The following PTPRS variants were observed in gnomAD, a reference collection of about 807,000 sequenced individuals.
The protein encoded by PTPRS is protein tyrosine phosphatase receptor type S.
In PTPRS, 63 loss-of-function variants were observed where a neutral mutation model predicts 215.3. The ratio of observed to expected loss-of-function variants is 0.29; its 90% confidence interval spans 0.24 to 0.36. The LOEUF is 0.36. Among genes scored for constraint, PTPRS ranks in the 10% least tolerant of loss-of-function variants. The pLI is 1.00. For missense variants in PTPRS, 2,258 were observed against 2,825.8 expected, an observed-to-expected ratio of 0.80 and a Z score of 4.56; for synonymous variants, 1,404 against 1,191.4, an observed-to-expected ratio of 1.18 and a Z score of -3.68.
At chr19:5,263,816 G>C (rs140968729) in intron 5 of PTPRS, among the ~76,000 whole-genome samples, 1 of 152,232 alleles carries the variant, frequency 6.6e-6, no homozygotes, top group Admixed American at 6.5e-5. Flanking sequence ...ACGTGTGGCC[G>C]AGATGCAGGC....
chr19:5,245,800 C>T lies in PTPRS; in HGVS notation c.964G>A (p.Ala322Thr), dbSNP rs1429624175. The T allele has an allele frequency of 6.2e-7, 1 of 1,609,122 alleles. No individual in the cohort carries two copies. The change falls in exon 10 of 38, where the codon GCG (alanine) becomes ACG (threonine). Residue 322 changes from alanine (A) to threonine (T), a missense_variant. This residue lies in a region of PTPRS where 508 missense variants were observed against 799.4 expected (regional missense o/e 0.64). Coordinates refer to ENST00000262963, the MANE Select transcript of PTPRS (RefSeq NM_002850.4). ...CATTTCACCGTGATCTGAGCAACCG[C>T]CTCAATGACGCCCAGGCTGGACATG... ...VAMSSLGVIE[A>T]VAQITVKSLP... is the part of the protein sequence containing the mutation.
chr19:5,284,007 G>A (rs1011454610), intron 2 of PTPRS, among the ~76,000 whole-genome samples: 5 of 152,072 alleles, frequency 3.3e-5, no homozygotes, highest in African/African-American at 7.2e-5. Flanking sequence ...TTAAGCTCAC[G>A]AGTTTGAGAC....
chr19:5,219,889 C>A, intron 22 of PTPRS, 50 bp downstream of exon 22: 1 of 1,586,404 alleles, frequency 6.3e-7, no homozygotes, highest in Non-Finnish European at 8.6e-7. Flanking sequence ...ATGGGGTCTG[C>A]CTCATTCAGA....
At chr19:5,206,953 CAGA>C (rs962301640) in intron 37 of PTPRS, 111 bp from the exon 38 acceptor site, 6 of 945,210 alleles carry the variant, frequency 6.3e-6, no homozygotes, top group African/African-American at 4.9e-5. Context: ...GTGTCTCTTG[CAGA>C]AGGTCTCTTT....
Position 5,293,404 on chromosome 19 carries a change from G to T in PTPRS, c.-94-7170C>A, listed in dbSNP as rs918473530. Among the ~76,000 whole-genome samples, 3 of 151,714 alleles carry T rather than the reference G, an allele frequency of 2.0e-5. No individual in the cohort carries two copies. Among genetic ancestry groups the T allele is most frequent in the African/African-American group, 4.8e-5 (2 of 41,344 alleles). ...GCCCCGGCCGGAAGTGGGGCGGGGG[G>T]ACCAGAGGGGAGCCCCATCTGGAGG... is the stretch of plus-strand genomic sequence containing the variant. On this transcript the variant is annotated intron_variant, in intron 1 of 37. Transcript: ENST00000262963. This position sits in a 1 kb window ranked among gnomAD's most constrained non-coding sequence, Gnocchi z 8.4.
rs752585208 is a variant in PTPRS at position 5,221,050 on chromosome 19, G to A, written c.3405C>T (p.Asp1135=). ...CAGGAAGATACACCATGATGAAGCC[G>A]TCAGCATCAGGCTTGGGGGCGACGC... is the stretch of plus-strand genomic sequence containing the variant. ...KPSVAPKPDA[D]GFIMVYLPDG... Residue 1135 remains aspartate, a synonymous_variant, in exon 20 of 38, where the codon GAC becomes GAT. Transcript: ENST00000262963. The A allele has an allele frequency of 5.1e-5, 83 of 1,613,680 alleles. No homozygotes were observed. The highest frequency in any genetic ancestry group is 3.7e-4 in the Admixed American group (22 of 60,002).
chr19:5,268,517 G>A (rs1222850377), intron 4 of PTPRS, among the ~76,000 whole-genome samples: 1 of 151,964 alleles, frequency 6.6e-6, no homozygotes, highest in Non-Finnish European at 1.5e-5. Context: ...CAAGCAGCAG[G>A]AGGGCAGGAG....
intron 4 of PTPRS, among the ~76,000 whole-genome samples, chr19:5,269,155 A>G (rs1267914248): frequency 1.3e-5 from 2 of 152,046 alleles, no homozygotes; most frequent in Non-Finnish European, 2.9e-5. Context: ...GCGTGGGTAC[A>G]TGTGTGCCGC....
Position 5,256,114 on chromosome 19 carries a change from G to A in PTPRS, c.712C>T (p.Arg238Ter). ...AAGAAAAAAACACACCAACCTTCTCGAAGCTCTGAGGGATGTAAAGGGGGT... is the reference window on the plus strand; with the variant it reads ...AAGAAAAAAACACACCAACCTTCTCAAAGCTCTGAGGGATGTAAAGGGGGT... Reference protein sequence around the residue: ...SPANLYVRELREVRRVAPRFS... With the variant: ...SPANLYVREL The change falls in exon 9 of 38, where the codon CGA (arginine) becomes TGA (stop). Residue 238 changes from arginine to a stop codon, truncating the protein, a stop_gained. Coordinates refer to ENST00000262963, the MANE Select transcript of PTPRS (RefSeq NM_002850.4). LOFTEE classifies it high-confidence loss of function. The A allele has an allele frequency of 6.6e-7, 1 of 1,525,238 alleles. No individual in the cohort carries two copies. Among genetic ancestry groups the A allele is most frequent in the Non-Finnish European group, 9.1e-7 (1 of 1,102,288 alleles). 94.5% of individuals were successfully genotyped at this position (1,525,238 alleles called of 1,614,324 possible). A position where few individuals can be genotyped will look rare whatever the true frequency, so the allele number is the denominator to read the frequency against.
chr19:5,298,373 T>C (rs1188378897), intron 1 of PTPRS, among the ~76,000 whole-genome samples: 1 of 152,126 alleles, frequency 6.6e-6, no homozygotes, highest in Non-Finnish European at 1.5e-5. Context: ...GATAAAACCA[T>C]ACCCTTGACC....
At position 5,329,472 on chromosome 19, in the gene PTPRS, A is replaced by G. The variant is rs137977709; in HGVS notation, c.-95+11192T>C. On this transcript the variant is annotated intron_variant, in intron 1 of 37. Coordinates refer to ENST00000262963, the MANE Select transcript of PTPRS (RefSeq NM_002850.4). ...TGAAACCGTGGGGTTTTCCTTGTTT[A>G]AAAATTATTAAGGCCGGGCACAGTG... is the stretch of plus-strand genomic sequence containing the variant. Among the ~76,000 whole-genome samples, 1,248 of 152,304 alleles carry G rather than the reference A, an allele frequency of 8.2e-3. 16 individuals carry two copies. The highest frequency in any genetic ancestry group is 0.018 in the Admixed American group (274 of 15,294).
In PTPRS at chr19:5,218,485, G is replaced by T; in HGVS notation, c.3983C>A (p.Ala1328Asp). 6.2e-7 allele frequency: 1 copy of T among 1,614,148 alleles called. No individual in the cohort carries two copies. The highest frequency in any genetic ancestry group is 8.5e-7 in the Non-Finnish European group (1 of 1,180,026). Residue 1328 changes from alanine to aspartate, a missense_variant, in exon 25 of 38, where the codon GCC becomes GAC. Coordinates refer to ENST00000262963, the MANE Select transcript of PTPRS (RefSeq NM_002850.4). Reference sequence around the variant, plus strand: ...CTTGGGGTGGTGAGGGGCGAGGTCGGCATTGTTCAGGAGGCATTTGGTGCG... The same window carrying T: ...CTTGGGGTGGTGAGGGGCGAGGTCGTCATTGTTCAGGAGGCATTTGGTGCG... ...EPRTKCLLNN[A>D]DLAPHHPKDP...
At chr19:5,226,420 G>C (rs972442557) in intron 16 of PTPRS, among the ~76,000 whole-genome samples, 1 of 152,170 alleles carries the variant, frequency 6.6e-6, no homozygotes, top group Non-Finnish European at 1.5e-5. Context: ...TTATGAAACA[G>C]AGCTGTTATT....
chr19:5,329,457 G>A (rs1315126639), intron 1 of PTPRS, among the ~76,000 whole-genome samples: 1 of 152,120 alleles, frequency 6.6e-6, no homozygotes, highest in African/African-American at 2.4e-5. Flanking sequence ...TGAAACCGTG[G>A]GGTTTTCCTT....
Position 5,257,514 on chromosome 19 carries a change from C to A in PTPRS, c.706+503G>T, listed in dbSNP as rs186907068. On this transcript the variant is annotated intron_variant, in intron 8 of 37. Transcript: ENST00000262963. This position sits in a 1 kb window ranked among gnomAD's most constrained non-coding sequence, Gnocchi z 4.4. ...GGGAGGGGCAGCCTCGAAGACCCCT[C>A]CTCAACTTCTAGATTGAGGGCCCTG... 362 of 453,670 alleles carry A rather than the reference C, an allele frequency of 8.0e-4. 2 individuals are homozygous for A. The highest frequency in any genetic ancestry group is 6.8e-3 in the African/African-American group (341 of 50,012). 28.1% of individuals were successfully genotyped at this position (453,670 alleles called of 1,614,324 possible).
chr19:5,236,247 CAGCCCATTTTACAGGTG>C (rs1343091854), intron 13 of PTPRS, among the ~76,000 whole-genome samples: 11 of 152,310 alleles, frequency 7.2e-5, no homozygotes, highest in African/African-American at 2.4e-4. Context: ...ACCAGAAGTG[CAGCCCATTTTACAGGTG>C]AGCCCATTTT....
At position 5,229,587 on chromosome 19, in the gene PTPRS, G is replaced by T; in HGVS notation, c.2253C>A (p.Gly751=). The T allele has an allele frequency of 7.0e-7, 1 of 1,435,532 alleles. No individual in the cohort carries two copies. The highest frequency in any genetic ancestry group is 9.1e-7 in the Non-Finnish European group (1 of 1,094,814). The allele number at this position is 1,435,532 out of a possible 1,614,324, so 88.9% of individuals were successfully genotyped here. A position where few individuals can be genotyped will look rare whatever the true frequency, so the allele number is the denominator to read the frequency against. ...AGTGGACCTGGTAGCCGCGGATCTG[G>T]CCGTGCTGCCGGCCGGGCGCGGGCG... is the stretch of plus-strand genomic sequence containing the variant. ...WRSPAPGRQH[G]QIRGYQVHYV... is the part of the protein sequence containing the mutation. Residue 751 remains glycine (G), a synonymous_variant, in exon 15 of 38, where the codon GGC becomes GGA. Coordinates refer to ENST00000262963, the MANE Select transcript of PTPRS (RefSeq NM_002850.4).
In PTPRS at chr19:5,218,234, A is replaced by C. The variant is rs977615201; in HGVS notation, c.4048+186T>G. Among the ~76,000 whole-genome samples the C allele has an allele frequency of 2.6e-5, 4 of 151,620 alleles. No homozygotes were observed. In the East Asian group the frequency reaches 7.7e-4, roughly 29 times the overall value. ...AAAAAAGCCTCACTTGGTTGTAAGC[A>C]GAACCAACCTATGAGTTCCAAGCCC... On this transcript the variant is annotated intron_variant, in intron 25 of 37. Transcript: ENST00000262963.
chr19:5,315,475 T>G (rs2049847052), intron 1 of PTPRS, among the ~76,000 whole-genome samples: 1 of 149,402 alleles, frequency 6.7e-6, no homozygotes, highest in Non-Finnish European at 1.5e-5. Flanking sequence ...GCAATTCTCT[T>G]GCCTCAGCCT....
Sources: gnomAD v4.1 joint callset for allele counts (sites outside exome capture counted in the v4.1 genomes callset) on GRCh38, gnomAD v4.1.1 for gene constraint, gnomAD v4.1.1 regional missense constraint, Gnocchi (gnomAD v3.1) non-coding constraint, MANE v1.5 for transcripts, NCBI Gene and HGNC (gene_info 2026-07-23, HGNC 2026-07-21) for gene names.